Variants in GRM7 observed in about 807,000 individuals in gnomAD.
The protein encoded by GRM7 is glutamate metabotropic receptor 7, also known as metabotropic glutamate receptor 7.
A neutral mutation model predicts 84.5 loss-of-function variants in GRM7; 35 were observed. That is an observed-to-expected ratio of 0.41 (90% CI 0.32 to 0.55). The LOEUF is 0.55. Among genes scored for constraint, GRM7 ranks in the 20% least tolerant of loss-of-function variants. GRM7 has a pLI of 0.19. For synonymous variants in GRM7, 487 were observed against 455.1 expected (o/e 1.07, Z -0.89); for missense variants, 1,003 against 1,194.6 (o/e 0.84, Z 2.36).
intron 1 of GRM7, among the ~76,000 whole-genome samples, chr3:7,005,572 C>A (rs979032884): frequency 6.6e-6 from 1 of 152,166 alleles, no homozygotes; most frequent in Non-Finnish European, 1.5e-5. Flanking sequence ...AAGAACATTT[C>A]ATGCAGTGGG....
chr3:7,047,640 T>C (rs889390295), intron 1 of GRM7, among the ~76,000 whole-genome samples: 2 of 152,080 alleles, frequency 1.3e-5, no homozygotes, highest in African/African-American at 4.8e-5. Flanking sequence ...CATGAATTCC[T>C]TACAGTCCAG....
chr3:7,105,567 T>C (rs1699264044), intron 1 of GRM7, among the ~76,000 whole-genome samples: 1 of 151,950 alleles, frequency 6.6e-6, no homozygotes, highest in South Asian at 2.1e-4. Context: ...CTAAGACTAA[T>C]ATTGTATAAA....
chr3:6,969,280 C>T (rs2125091459), intron 1 of GRM7, among the ~76,000 whole-genome samples: 1 of 152,260 alleles, frequency 6.6e-6, no homozygotes, highest in African/African-American at 2.4e-5. Context: ...GGTCATTTTA[C>T]ACACATAAGT....
intron 2 of GRM7, among the ~76,000 whole-genome samples, chr3:7,273,895 C>A (rs1394596996): frequency 6.6e-6 from 1 of 151,930 alleles, no homozygotes; most frequent in Non-Finnish European, 1.5e-5. Flanking sequence ...TAATAGCTGC[C>A]ATGCTTGCCA....
chr3:7,194,052 A>G (rs1169314706), intron 2 of GRM7, among the ~76,000 whole-genome samples: 5 of 152,160 alleles, frequency 3.3e-5, no homozygotes, highest in Non-Finnish European at 7.4e-5. Flanking sequence ...TTTCAAAGAG[A>G]CATGCTCTCT....
At chr3:7,499,797 T>C (rs6801815) in intron 7 of GRM7, among the ~76,000 whole-genome samples, 90,081 of 150,202 alleles carry the variant, frequency 0.6, 27,378 homozygotes, top group East Asian at 0.74. Context: ...TTTTTTGAGA[T>C]GGAGTCTTGC....
At chr3:6,931,736 C>T (rs1024615312) in intron 1 of GRM7, among the ~76,000 whole-genome samples, 1 of 152,208 alleles carries the variant, frequency 6.6e-6, no homozygotes, top group African/African-American at 2.4e-5. Flanking sequence ...TTACCCCCTG[C>T]ACCAAATGCT....
chr3:7,082,504 T>C (rs1011356126), intron 1 of GRM7, among the ~76,000 whole-genome samples: 1 of 152,268 alleles, frequency 6.6e-6, no homozygotes, highest in South Asian at 2.1e-4. Context: ...TTTTCATGGC[T>C]GCTAACACAA....
intron 7 of GRM7, among the ~76,000 whole-genome samples, chr3:7,490,736 A>C (rs1016880586): frequency 6.6e-6 from 1 of 152,138 alleles, no homozygotes; most frequent in Non-Finnish European, 1.5e-5. Context: ...AGTTTTGAGA[A>C]ATTTCAAAAA....
At chr3:7,623,964 T>G (rs1413873689) in intron 8 of GRM7, among the ~76,000 whole-genome samples, 5 of 151,948 alleles carry the variant, frequency 3.3e-5, no homozygotes, top group Non-Finnish European at 7.4e-5. Flanking sequence ...TTCCGGAGAG[T>G]AGAGCCTGTT....
chr3:7,507,137 G>A (rs922677624), intron 7 of GRM7, among the ~76,000 whole-genome samples: 1 of 152,118 alleles, frequency 6.6e-6, no homozygotes, highest in Non-Finnish European at 1.5e-5. Flanking sequence ...ATATTTTATT[G>A]TAAACAGCAG....
At chr3:6,899,140 T>C (rs1227444989) in intron 1 of GRM7, among the ~76,000 whole-genome samples, 4 of 152,200 alleles carry the variant, frequency 2.6e-5, no homozygotes, top group African/African-American at 9.7e-5. Flanking sequence ...ATAATGATCA[T>C]AATAAGAATA....
chr3:7,344,921 T>C (rs939721340), intron 4 of GRM7, among the ~76,000 whole-genome samples: 1 of 152,162 alleles, frequency 6.6e-6, no homozygotes, highest in Non-Finnish European at 1.5e-5. Context: ...CGAGAGGATT[T>C]TTGAATGTTC....
In GRM7 at chr3:7,276,249, G is replaced by GTATATATA. The variant is rs879488767; in HGVS notation, c.737-22434_737-22427dup. 2.1e-5 allele frequency among the ~76,000 whole-genome samples: 3 copies of GTATATATA among 143,664 alleles called. No individual in the cohort carries two copies. The South Asian group carries it at 6.6e-4, about 32-fold the overall frequency. 94.2% of individuals were successfully genotyped at this position (143,664 alleles called of 152,430 possible). Reference sequence around the variant, plus strand: ...TGTGTGTGTGTGTGTGTGTGTGTGTGTATATATAATTGTCCTCTCAATGTA... The same window carrying GTATATATA: ...TGTGTGTGTGTGTGTGTGTGTGTGTGTATATATATATATATAATTGTCCTCTCAATGTA... On this transcript the variant is annotated intron_variant, in intron 2 of 9. Transcript: ENST00000357716.
chr3:7,313,634 A>G (rs1038978878), intron 4 of GRM7, among the ~76,000 whole-genome samples: 3 of 152,182 alleles, frequency 2.0e-5, no homozygotes, highest in Non-Finnish European at 2.9e-5. Flanking sequence ...TAAGGAGTAT[A>G]AGTCATTACT....
At chr3:6,937,350 C>A (rs138197090) in intron 1 of GRM7, among the ~76,000 whole-genome samples, 8 of 152,280 alleles carry the variant, frequency 5.3e-5, no homozygotes, top group African/African-American at 1.7e-4. Context: ...AGAAAGAAAA[C>A]AAATTGTTAA....
chr3:7,324,954 C>G (rs1483916641), intron 4 of GRM7, among the ~76,000 whole-genome samples: 2 of 152,172 alleles, frequency 1.3e-5, no homozygotes, highest in Non-Finnish European at 2.9e-5. Context: ...TGCAGCTTTT[C>G]CAACGTGTAA....
At chr3:7,046,280 G>T (rs1696804628) in intron 1 of GRM7, among the ~76,000 whole-genome samples, 1 of 151,966 alleles carries the variant, frequency 6.6e-6, no homozygotes, top group Non-Finnish European at 1.5e-5. Context: ...TTCTAAACAG[G>T]GCTCCCAGGT....
In GRM7 at chr3:7,668,683, G is replaced by A. The variant is rs532314331; in HGVS notation, c.2452-11366G>A. Among the ~76,000 whole-genome samples, 5 of 152,348 alleles carry A rather than the reference G, an allele frequency of 3.3e-5. No homozygotes were observed. In the South Asian group the frequency reaches 1.0e-3, roughly 32 times the overall value. ...AAGAAAGCACAGGCAAAGGCCTTGTGACAGAAGGAAATACAGCATATTTAG... is the reference window on the plus strand; with the variant it reads ...AAGAAAGCACAGGCAAAGGCCTTGTAACAGAAGGAAATACAGCATATTTAG... On this transcript the variant is annotated intron_variant, in intron 8 of 9. Transcript: ENST00000357716.
Sources: gnomAD v4.1 joint callset for allele counts (sites outside exome capture counted in the v4.1 genomes callset) on GRCh38, gnomAD v4.1.1 for gene constraint, MANE v1.5 for transcripts, NCBI Gene and HGNC (gene_info 2026-07-23, HGNC 2026-07-21) for gene names.